The following SUCLA2 variants were observed in gnomAD, a reference collection of about 807,000 sequenced individuals.
SUCLA2 encodes the protein succinate--CoA ligase [ADP-forming] subunit beta, mitochondrial.
A neutral mutation model predicts 54.8 loss-of-function variants in SUCLA2; 30 were observed. The observed-to-expected ratio is 0.55, with a 90% CI of 0.41 to 0.74. The LOEUF is 0.74. Ranked by LOEUF, SUCLA2 falls within the 30% of genes least tolerant of loss-of-function variation. SUCLA2 has a pLI of 0.00. For synonymous variants in SUCLA2, 172 were observed against 188.9 expected (o/e 0.91, Z 0.74); for missense variants, 476 against 562.9 (o/e 0.85, Z 1.56).
chr13:47,976,856 G>A (rs751748281), intron 4 of SUCLA2, among the ~76,000 whole-genome samples: 7 of 152,026 alleles, frequency 4.6e-5, no homozygotes, highest in Non-Finnish European at 1.0e-4. Context: ...GGATTTTATA[G>A]CATTTTGGAT....
At chr13:47,983,518 C>G (rs754946415) in intron 4 of SUCLA2, among the ~76,000 whole-genome samples, 2 of 146,862 alleles carry the variant, frequency 1.4e-5, no homozygotes, top group Non-Finnish European at 3.0e-5. Flanking sequence ...GAGACGGAGT[C>G]TCGCTCTGTC....
intron 6 of SUCLA2, among the ~76,000 whole-genome samples, chr13:47,963,039 T>G (rs1193500227): frequency 8.9e-6 from 1 of 112,522 alleles, no homozygotes; most frequent in Non-Finnish European, 2.0e-5. Flanking sequence ...CCCTGCCATA[T>G]AAACCCCTGG....
At chr13:47,943,989 C>T (rs1386585066) in intron 10 of SUCLA2, among the ~76,000 whole-genome samples, 3 of 151,966 alleles carry the variant, frequency 2.0e-5, no homozygotes, top group Non-Finnish European at 4.4e-5. Context: ...ATTCTCTCTA[C>T]AATCTGTCTA....
intron 6 of SUCLA2, among the ~76,000 whole-genome samples, chr13:47,967,888 C>T (rs1308484548): frequency 6.9e-6 from 1 of 145,472 alleles, no homozygotes; most frequent in Non-Finnish European, 1.5e-5. Context: ...TGAGTACATG[C>T]AAAAACAAAA....
chr13:47,954,660 T>C, intron 6 of SUCLA2, 103 bp from the exon 7 acceptor site: 1 of 1,195,516 alleles, frequency 8.4e-7, no homozygotes, highest in Non-Finnish European at 1.2e-6. Flanking sequence ...CACATTTTAA[T>C]TTTGTTACTT....
At chr13:48,000,886 T>C (rs1357989696) in intron 1 of SUCLA2, 2 of 1,276,046 alleles carry the variant, frequency 1.6e-6, no homozygotes, top group African/African-American at 3.1e-5. Context: ...CCTGACCCCC[T>C]CACCTCCACT....
At position 47,988,647 on chromosome 13, in the gene SUCLA2, T is replaced by C; in HGVS notation, c.428A>G (p.Lys143Arg). 1.9e-6 allele frequency: 3 copies of C among 1,614,004 alleles called. No individual in the cohort carries two copies. Among genetic ancestry groups the C allele is most frequent in the Non-Finnish European group, 2.5e-6 (3 of 1,179,958 alleles). Residue 143 changes from lysine (K) to arginine (R), a missense_variant, in exon 4 of 11, where the codon AAG (lysine) becomes AGG (arginine). Lys to Arg is a conservative substitution (Grantham distance 26). Transcript: ENST00000646932. Reference protein sequence around the residue: ...SQMIGKKLFTKQTGEKGRICN... With the variant: ...SQMIGKKLFTRQTGEKGRICN... ...TATTCTGCCCTTTTCTCCCGTTTGCTTGGTAAACAATTTTTTCCCAATCAT... is the reference window on the plus strand; with the variant it reads ...TATTCTGCCCTTTTCTCCCGTTTGCCTGGTAAACAATTTTTTCCCAATCAT...
intron 6 of SUCLA2, among the ~76,000 whole-genome samples, chr13:47,966,591 C>A (rs1487095558): frequency 6.6e-6 from 1 of 151,064 alleles, no homozygotes; most frequent in Non-Finnish European, 1.5e-5. Flanking sequence ...AAGAAACTGA[C>A]CCCTTTGATA....
intron 1 of SUCLA2, among the ~76,000 whole-genome samples, chr13:47,997,426 A>C (rs1277537640): frequency 6.6e-6 from 1 of 152,206 alleles, no homozygotes; most frequent in Admixed American, 6.5e-5. Context: ...GATATGTAAT[A>C]ATAAAATGAT....
chr13:47,964,599 T>C (rs1422492157), intron 6 of SUCLA2, among the ~76,000 whole-genome samples: 1 of 152,242 alleles, frequency 6.6e-6, no homozygotes, highest in Non-Finnish European at 1.5e-5. Context: ...GGCTCAAGCC[T>C]GTAATCCCAG....
At chr13:47,974,033 A>G (rs1949988996) in intron 4 of SUCLA2, among the ~76,000 whole-genome samples, 1 of 152,036 alleles carries the variant, frequency 6.6e-6, no homozygotes. Flanking sequence ...CACATGTACA[A>G]CTATGTAACA....
rs778919386 is a variant in SUCLA2 at position 47,988,640 on chromosome 13, C to T, written c.435G>A (p.Thr145=). The T allele has an allele frequency of 6.8e-6, 11 of 1,613,896 alleles. No homozygotes were observed. Among genetic ancestry groups the T allele is most frequent in the Middle Eastern group, 1.7e-4 (1 of 6,058 alleles). Residue 145 remains threonine, a synonymous_variant, in exon 4 of 11, where the codon ACG becomes ACA. Coordinates refer to ENST00000646932, the MANE Select transcript of SUCLA2 (RefSeq NM_003850.3). ...MIGKKLFTKQ[T]GEKGRICNQV... ...GATTGCATATTCTGCCCTTTTCTCC[C>T]GTTTGCTTGGTAAACAATTTTTTCC...
chr13:47,969,260 A>G (rs1949942546), intron 5 of SUCLA2, among the ~76,000 whole-genome samples: 2 of 152,024 alleles, frequency 1.3e-5, no homozygotes, highest in Admixed American at 1.3e-4. Flanking sequence ...GAAAAGCCAA[A>G]ATATTAGAAG....
intron 6 of SUCLA2, chr13:47,956,831 T>A (rs1420871733): frequency 1.3e-5 from 2 of 152,168 alleles, no homozygotes; most frequent in African/African-American, 4.8e-5. Context: ...AACAAAAAAA[T>A]CAACCTACCC....
At chr13:47,965,814 C>T (rs1221628626) in intron 6 of SUCLA2, among the ~76,000 whole-genome samples, 1 of 152,082 alleles carries the variant, frequency 6.6e-6, no homozygotes, top group Non-Finnish European at 1.5e-5. Context: ...TTTCGGAGGC[C>T]GAGGCAGGCA....
intron 6 of SUCLA2, among the ~76,000 whole-genome samples, chr13:47,963,668 A>C (rs1424113215): frequency 4.1e-5 from 6 of 145,004 alleles, no homozygotes; most frequent in South Asian, 4.4e-4. Context: ...AAAAAAAAAA[A>C]CAGACATAAA....
chr13:47,977,606 C>G (rs1421945495), intron 4 of SUCLA2, among the ~76,000 whole-genome samples: 1 of 152,022 alleles, frequency 6.6e-6, no homozygotes, highest in Non-Finnish European at 1.5e-5. Flanking sequence ...TCCTAGAATA[C>G]AAGGATGGTT....
intron 4 of SUCLA2, among the ~76,000 whole-genome samples, chr13:47,979,581 A>T (rs1950045338): frequency 6.6e-6 from 1 of 152,178 alleles, no homozygotes; most frequent in African/African-American, 2.4e-5. Flanking sequence ...GCACGTGTAT[A>T]CCTATGTAAC....
chr13:47,959,624 G>C (rs1446730573), intron 6 of SUCLA2, among the ~76,000 whole-genome samples: 1 of 152,178 alleles, frequency 6.6e-6, no homozygotes, highest in African/African-American at 2.4e-5. Context: ...GCATGTCATG[G>C]ATGGTCTGTG....
Sources: allele counts gnomAD v4.1 joint callset (sites outside exome capture counted in the v4.1 genomes callset), GRCh38; gene constraint gnomAD v4.1.1; transcripts MANE v1.5; gene names NCBI Gene and HGNC (gene_info 2026-07-23, HGNC 2026-07-21).